Variants in ZNF7 observed in about 807,000 individuals in gnomAD.
ZNF7 encodes the protein zinc finger protein 7.
ZNF7 carries 10 observed loss-of-function variants against 12.0 expected under a neutral mutation model. That is an observed-to-expected ratio of 0.83 (90% CI 0.51 to 1.42). The LOEUF (loss-of-function observed/expected upper bound fraction) is 1.42, where lower values mean the gene tolerates loss of function less well. Ranked by LOEUF, ZNF7 falls within the 40% of genes most tolerant of loss-of-function variation. ZNF7 has a pLI of 0.00. For missense variants in ZNF7, 854 were observed against 837.2 expected (o/e 1.02, Z -0.25); for synonymous variants, 334 against 295.0 (o/e 1.13, Z -1.35).
chr8:144,846,449 G>A (rs547162775), downstream of ZNF7: 35 of 351,986 alleles, frequency 9.9e-5, no homozygotes, highest in Middle Eastern at 8.0e-4. Context: ...ATGCCCAAGC[G>A]TCTTCATGGA....
chr8:144,841,817 AG>A lies in ZNF7; in HGVS notation c.714del (p.Lys239AsnfsTer51). On this transcript the variant is annotated frameshift_variant, in exon 5 of 5. Coordinates refer to ENST00000532777, the MANE Select transcript of ZNF7 (RefSeq NM_003416.4). LOFTEE classifies it low-confidence loss of function (END_TRUNC). ...ECQKKLSDCL[Q>X]GKHTNNCHGE... ...CAAAAAAAGTTATCTGACTGCTTGC[AG>A]GGGAAACATACAAATAACTGCCATG... The A allele has an allele frequency of 1.2e-6, 2 of 1,614,228 alleles. No individual in the cohort carries two copies. The highest frequency in any genetic ancestry group is 1.7e-6 in the Non-Finnish European group (2 of 1,180,050).
At chr8:144,837,576 G>A in intron 4 of ZNF7, 69 bp downstream of exon 4, 1 of 1,175,012 alleles carries the variant, frequency 8.5e-7, no homozygotes. Flanking sequence ...CCTCACAACT[G>A]TGGGTAGCTG....
chr8:144,829,400 C>A (rs772247027), intron 2 of ZNF7, 78 bp from the exon 3 acceptor site: 52 of 1,599,246 alleles, frequency 3.3e-5, no homozygotes, highest in Non-Finnish European at 4.3e-5. Flanking sequence ...GGGCAGCTGC[C>A]TGAGACATGT....
chr8:144,837,929 G>T (rs1429613860), intron 4 of ZNF7: 2 of 631,052 alleles, frequency 3.2e-6, no homozygotes, highest in African/African-American at 1.8e-5. Flanking sequence ...CTCCAGGAGT[G>T]CATTACTTTC....
At chr8:144,829,323 C>T (rs144447274) in intron 2 of ZNF7, 155 bp from the exon 3 acceptor site, 120 of 1,538,142 alleles carry the variant, frequency 7.8e-5, no homozygotes, top group African/African-American at 1.9e-4. Flanking sequence ...TCCTCCTCCC[C>T]GAGACTGCCC....
rs1156320896 is a variant in ZNF7, at chr8:144,842,283, A to G, written c.1176A>G (p.Leu392=). The G allele has an allele frequency of 6.2e-7, 1 of 1,614,048 alleles. No individual in the cohort carries two copies. The highest frequency in any genetic ancestry group is 8.5e-7 in the Non-Finnish European group (1 of 1,180,044). ...ATACTGGGGAGAAAGCTCAAATTCT[A>G]AAAGCCTCAGACAGTCCAAGCCTTG... ...RMHTGEKAQI[L]KASDSPSLVA... Residue 392 remains leucine, a synonymous_variant, in exon 5 of 5, where the codon CTA becomes CTG. Coordinates refer to ENST00000532777, the MANE Select transcript of ZNF7 (RefSeq NM_003416.4).
At chr8:144,828,888 C>G in intron 1 of ZNF7, 155 bp from the exon 2 acceptor site, 1 of 917,080 alleles carries the variant, frequency 1.1e-6, no homozygotes, top group Non-Finnish European at 1.6e-6. Context: ...GCCTCCTTCA[C>G]TCAAGTGCCA....
downstream of ZNF7, among the ~76,000 whole-genome samples, chr8:144,845,817 G>A (rs1830478893): frequency 6.6e-6 from 1 of 152,218 alleles, no homozygotes; most frequent in Non-Finnish European, 1.5e-5. Context: ...CTCCAGCCAT[G>A]CCCTACTCAC....
Position 144,841,595 on chromosome 8 carries a change from T to C in ZNF7, c.488T>C (p.Phe163Ser), listed in dbSNP as rs1217103792. Residue 163 changes from phenylalanine (F) to serine (S), a missense_variant, in exon 5 of 5, where the codon TTC becomes TCC. Physicochemically the swap from Phe to Ser is radical, Grantham distance 155. Coordinates refer to ENST00000532777, the MANE Select transcript of ZNF7 (RefSeq NM_003416.4). The stretch of plus-strand genomic sequence containing the variant: ...GAGGAGACTGTGGTTCCCAAGACCT[T>C]CACCAAGGACGCACCCCAGGGATGT... ...LNEETVVPKTFTKDAPQGCKE... is the reference protein window; with the variant it reads ...LNEETVVPKTSTKDAPQGCKE... The C allele has an allele frequency of 6.2e-7, 1 of 1,614,126 alleles. No individual in the cohort carries two copies. The highest frequency in any genetic ancestry group is 8.5e-7 in the Non-Finnish European group (1 of 1,180,028).
chr8:144,830,886 A>G (rs1484611409), intron 3 of ZNF7: 3 of 458,476 alleles, frequency 6.5e-6, no homozygotes, highest in East Asian at 1.4e-4. Context: ...GGTGTGAGCC[A>G]CCGTGCCCAG....
chr8:144,843,315 T>C lies in ZNF7; in HGVS notation c.*147T>C, dbSNP rs778396257. The C allele has an allele frequency of 3.5e-4, 373 of 1,064,682 alleles. No individual in the cohort carries two copies. Among genetic ancestry groups the C allele is most frequent in the Middle Eastern group, 9.1e-4 (3 of 3,286 alleles). The allele number at this position is 1,064,682 out of a possible 1,614,324, so 66.0% of individuals were successfully genotyped here. A position where few individuals can be genotyped will look rare whatever the true frequency, so the allele number is the denominator to read the frequency against. The stretch of plus-strand genomic sequence containing the variant: ...CAAGAATATCCAACTTCAGGCCGAG[T>C]GTGGTGGCTTATGCCTGTCATCCCA... On this transcript the variant is annotated 3_prime_UTR_variant, in exon 5 of 5. Coordinates refer to ENST00000532777, the MANE Select transcript of ZNF7 (RefSeq NM_003416.4).
chr8:144,830,181 C>G (rs1454327159), intron 3 of ZNF7, among the ~76,000 whole-genome samples: 1 of 152,220 alleles, frequency 6.6e-6, no homozygotes, highest in Non-Finnish European at 1.5e-5. Context: ...TGACTAAGCC[C>G]TCTGCTGCAT....
chr8:144,841,088 G>A, intron 4 of ZNF7: 1 of 448,536 alleles, frequency 2.2e-6, no homozygotes, highest in Non-Finnish European at 4.0e-6. Flanking sequence ...ACCAGTGCCT[G>A]TAGGATGGAC....
Position 144,829,623 on chromosome 8 carries a change from G to A in ZNF7, c.130+19G>A, listed in dbSNP as rs141707956. 2 of 1,592,962 alleles carry A rather than the reference G, an allele frequency of 1.3e-6. No individual in the cohort carries two copies. Among genetic ancestry groups the A allele is most frequent in the South Asian group, 1.1e-5 (1 of 89,620 alleles). ...GGACTAGGTGAGGCTGCACCTTGGG[G>A]CCCCTTCCCCTGCATCATCAGTCAG... is the stretch of plus-strand genomic sequence containing the variant. On this transcript the variant is annotated intron_variant, in intron 3 of 4. Coordinates refer to ENST00000532777, the MANE Select transcript of ZNF7 (RefSeq NM_003416.4).
chr8:144,841,807 G>A lies in ZNF7; in HGVS notation c.700G>A (p.Asp234Asn), dbSNP rs753749372. ...RCQECQKKLS[D>N]CLQGKHTNNC... is the part of the protein sequence containing the mutation. Reference sequence around the variant, plus strand: ...TCAAGAATGCCAAAAAAAGTTATCTGACTGCTTGCAGGGGAAACATACAAA... The same window carrying A: ...TCAAGAATGCCAAAAAAAGTTATCTAACTGCTTGCAGGGGAAACATACAAA... The change falls in exon 5 of 5, where the codon GAC becomes AAC. Residue 234 changes from aspartate (D) to asparagine (N), a missense_variant. Physicochemically the swap from Asp to Asn is conservative, Grantham distance 23. Coordinates refer to ENST00000532777, the MANE Select transcript of ZNF7 (RefSeq NM_003416.4). 2.5e-6 allele frequency: 4 copies of A among 1,614,202 alleles called. No homozygotes were observed. Among genetic ancestry groups the A allele is most frequent in the Non-Finnish European group, 1.7e-6 (2 of 1,180,050 alleles).
chr8:144,832,962 C>T (rs369091227), intron 3 of ZNF7, among the ~76,000 whole-genome samples: 420 of 152,148 alleles, frequency 2.8e-3, no homozygotes, highest in African/African-American at 9.7e-3. Flanking sequence ...TTGAAGTAGG[C>T]CGAGGTGGGC....
downstream of ZNF7, among the ~76,000 whole-genome samples, chr8:144,845,638 C>T (rs1342867227): frequency 6.6e-6 from 1 of 152,192 alleles, no homozygotes; most frequent in African/African-American, 2.4e-5. Flanking sequence ...AGGCATGAGG[C>T]CAACTGTAAG....
chr8:144,830,928 C>G (rs1330010010), intron 3 of ZNF7: 1 of 457,480 alleles, frequency 2.2e-6, no homozygotes, highest in South Asian at 1.5e-5. Flanking sequence ...TGTTTCTTCA[C>G]AGCTTTTAGT....
downstream of ZNF7, among the ~76,000 whole-genome samples, chr8:144,844,829 T>C (rs1317592364): frequency 6.7e-6 from 1 of 148,416 alleles, no homozygotes; most frequent in Non-Finnish European, 1.5e-5. Flanking sequence ...AAGAAGATAC[T>C]GGGAAGAAAA....
Sources: gnomAD v4.1 joint callset for allele counts (sites outside exome capture counted in the v4.1 genomes callset) on GRCh38, gnomAD v4.1.1 for gene constraint, MANE v1.5 for transcripts, NCBI Gene and HGNC (gene_info 2026-07-23, HGNC 2026-07-21) for gene names.